The following FAM47C variants were observed in gnomAD, a reference collection of about 807,000 sequenced individuals.
FAM47C encodes putative protein FAM47C.
For missense variants in FAM47C, 847 were observed against 879.9 expected (o/e 0.96, Z 0.47); for synonymous variants, 307 against 346.5 (o/e 0.89, Z 1.27).
At position 37,010,235 on chromosome X, in the gene FAM47C, G is replaced by A. The variant is rs1437035171; in HGVS notation, c.1825G>A (p.Glu609Lys). Residue 609 changes from glutamate (E) to lysine (K), a missense_variant, in exon 1 of 1, where the codon GAG becomes AAG. Transcript: ENST00000358047. ...PETGVSHLCP[E>K]PPETRVSHLR... Reference sequence around the variant, plus strand: ...GACTGGAGTGTCCCATCTCTGCCCGGAGCCTCCAGAGACTCGCGTATCTCA... The same window carrying A: ...GACTGGAGTGTCCCATCTCTGCCCGAAGCCTCCAGAGACTCGCGTATCTCA... 10 of 1,172,155 alleles carry A rather than the reference G, an allele frequency of 8.5e-6. No homozygotes were observed. Among genetic ancestry groups the A allele is most frequent in the Non-Finnish European group, 9.1e-6 (8 of 881,214 alleles).
chrX:37,011,270 G>A lies in FAM47C; in HGVS notation c.2860G>A (p.Asp954Asn). The A allele has an allele frequency of 8.3e-7, 1 of 1,210,448 alleles. No homozygotes were observed. Among genetic ancestry groups the A allele is most frequent in the Non-Finnish European group, 1.1e-6 (1 of 894,934 alleles). Residue 954 changes from aspartate (D) to asparagine (N), a missense_variant, in exon 1 of 1, where the codon GAT becomes AAT. Physicochemically the swap from Asp to Asn is conservative, Grantham distance 23. Coordinates refer to ENST00000358047, the MANE Select transcript of FAM47C (RefSeq NM_001013736.3). Reference sequence around the variant, plus strand: ...TAAGTTGGGGAAAAAGCTAAGAAGTGATGAACCTTTGATTGACCCCAAGCT... The same window carrying A: ...TAAGTTGGGGAAAAAGCTAAGAAGTAATGAACCTTTGATTGACCCCAAGCT... ...KPKLGKKLRS[D>N]EPLIDPKLVL...
In FAM47C at chrX:37,009,209, G is replaced by T. The variant is rs1556331901; in HGVS notation, c.799G>T (p.Val267Leu). The stretch of plus-strand genomic sequence containing the variant: ...CCACCTGGAGCCTCCCGAGACTGGA[G>T]TGTCCCATCTCTACCTGGAGCCTCC... ...SLHLEPPETGVSHLYLEPPGT... is the reference protein window; with the variant it reads ...SLHLEPPETGLSHLYLEPPGT... The change falls in exon 1 of 1, where the codon GTG (valine) becomes TTG (leucine). Residue 267 changes from valine (V) to leucine (L), a missense_variant. By Grantham distance (32) the Val-to-Leu change is conservative. Coordinates refer to ENST00000358047, the MANE Select transcript of FAM47C (RefSeq NM_001013736.3). The T allele has an allele frequency of 8.3e-7, 1 of 1,210,721 alleles. No homozygotes were observed. The highest frequency in any genetic ancestry group is 1.7e-5 in the African/African-American group (1 of 57,462).
At position 37,011,156 on chromosome X, in the gene FAM47C, A is replaced by G; in HGVS notation, c.2746A>G (p.Lys916Glu). The G allele has an allele frequency of 1.7e-6, 2 of 1,210,944 alleles. No individual in the cohort carries two copies. Among genetic ancestry groups the G allele is most frequent in the Non-Finnish European group, 2.2e-6 (2 of 895,083 alleles). Residue 916 changes from lysine to glutamate, a missense_variant, in exon 1 of 1, where the codon AAA (lysine) becomes GAA (glutamate). Transcript: ENST00000358047. ...MDEVKFFSQE[K>E]DLDGKIQNAP... is the part of the protein sequence containing the mutation. ...TGAGGTCAAATTCTTCTCACAGGAAAAAGACTTGGACGGGAAAATCCAGAA... is the reference window on the plus strand; with the variant it reads ...TGAGGTCAAATTCTTCTCACAGGAAGAAGACTTGGACGGGAAAATCCAGAA...
chrX:37,010,132 T>C lies in FAM47C; in HGVS notation c.1722T>C (p.Pro574=), dbSNP rs1225513733. 2 of 1,183,453 alleles carry C rather than the reference T, an allele frequency of 1.7e-6. No homozygotes were observed. Among genetic ancestry groups the C allele is most frequent in the African/African-American group, 2.1e-5 (1 of 48,249 alleles). ...GGATGTACAGTCTCCGCCCGGAGCC[T>C]CCCGATACTGGAGTGTCCCATCTCT... ...KTRMYSLRPE[P]PDTGVSHLCP... Residue 574 remains proline (P), a synonymous_variant, in exon 1 of 1, where the codon CCT becomes CCC. Transcript: ENST00000358047.
rs61730910 is a variant in FAM47C at position 37,010,689 on chromosome X, C to G, written c.2279C>G (p.Ser760Cys). ...CCAGAGCCTCTTGAGACTCGCGTAT[C>G]TCATCTCCGCCCGGAGCCTCCTGAG... is the stretch of plus-strand genomic sequence containing the variant. ...LRPEPLETRV[S>C]HLRPEPPETG... Residue 760 changes from serine (S) to cysteine (C), a missense_variant, in exon 1 of 1, where the codon TCT becomes TGT. Coordinates refer to ENST00000358047, the MANE Select transcript of FAM47C (RefSeq NM_001013736.3). 1,093 of 1,203,708 alleles carry G rather than the reference C, an allele frequency of 9.1e-4. 6 individuals are homozygous for G. The African/African-American group carries it at 0.018, about 19-fold the overall frequency.
Position 37,008,587 on chromosome X carries a change from C to T in FAM47C, c.177C>T (p.Arg59=), listed in dbSNP as rs1556331347. 1.6e-6 allele frequency: 2 copies of T among 1,212,628 alleles called. No individual in the cohort carries two copies. The highest frequency in any genetic ancestry group is 2.2e-6 in the Non-Finnish European group (2 of 895,675). Residue 59 remains arginine (R), a synonymous_variant, in exon 1 of 1, where the codon CGC becomes CGT. Coordinates refer to ENST00000358047, the MANE Select transcript of FAM47C (RefSeq NM_001013736.3). The part of the protein sequence containing the change: ...VFVTEGMDDF[R]YGCQSPEDTL... ...TGACGGAGGGCATGGACGACTTCCG[C>T]TACGGCTGTCAGTCTCCTGAAGATA...
chrX:37,009,385 T>C lies in FAM47C; in HGVS notation c.975T>C (p.Thr325=). 1 of 1,208,085 alleles carries C rather than the reference T, an allele frequency of 8.3e-7. No individual in the cohort carries two copies. Among genetic ancestry groups the C allele is most frequent in the Non-Finnish European group, 1.1e-6 (1 of 894,388 alleles). ...VSHLRPEPSE[T]GVSHLHPEPP... ...ATCTCCGCCCAGAGCCTTCTGAGAC[T>C]GGAGTGTCCCATCTCCACCCAGAGC... The change falls in exon 1 of 1, where the codon ACT becomes ACC. Residue 325 remains threonine (T), a synonymous_variant. Transcript: ENST00000358047.
chrX:37,011,511 A>G lies in FAM47C; in HGVS notation c.3101A>G (p.Glu1034Gly). Residue 1034 changes from glutamate (E) to glycine (G), a missense_variant, in exon 1 of 1, where the codon GAA (glutamate) becomes GGA (glycine). Glu to Gly is a moderately conservative substitution (Grantham distance 98). Transcript: ENST00000358047. ...YKEDVTDASEED is the reference protein window; with the variant it reads ...YKEDVTDASEGD ...GAAGACGTCACAGATGCATCGGAAG[A>G]AGATTAGATGGTTTTGAATTTACTA... is the stretch of plus-strand genomic sequence containing the variant. 1 of 1,178,986 alleles carries G rather than the reference A, an allele frequency of 8.5e-7. No individual in the cohort carries two copies. The highest frequency in any genetic ancestry group is 1.1e-6 in the Non-Finnish European group (1 of 878,325).
Position 37,009,221 on chromosome X carries a change from T to C in FAM47C, c.811T>C (p.Tyr271His), listed in dbSNP as rs781785591. 1 of 1,207,594 alleles carries C rather than the reference T, an allele frequency of 8.3e-7. No homozygotes were observed. The highest frequency in any genetic ancestry group is 1.1e-6 in the Non-Finnish European group (1 of 894,215). ...EPPETGVSHLYLEPPGTGVSH... is the reference protein window; with the variant it reads ...EPPETGVSHLHLEPPGTGVSH... ...TCCCGAGACTGGAGTGTCCCATCTC[T>C]ACCTGGAGCCTCCTGGGACTGGAGT... is the stretch of plus-strand genomic sequence containing the variant. Residue 271 changes from tyrosine to histidine, a missense_variant, in exon 1 of 1, where the codon TAC becomes CAC. By Grantham distance (83) the Tyr-to-His change is moderately conservative. Coordinates refer to ENST00000358047, the MANE Select transcript of FAM47C (RefSeq NM_001013736.3).
chrX:37,011,084 G>C lies in FAM47C; in HGVS notation c.2674G>C (p.Glu892Gln). Residue 892 changes from glutamate (E) to glutamine (Q), a missense_variant, in exon 1 of 1, where the codon GAG becomes CAG. Glu to Gln is a conservative substitution (Grantham distance 29). Coordinates refer to ENST00000358047, the MANE Select transcript of FAM47C (RefSeq NM_001013736.3). Reference protein sequence around the residue: ...YQDQKNKKANECSSGLKYSME... With the variant: ...YQDQKNKKANQCSSGLKYSME... ...AGACCAAAAGAATAAGAAGGCAAAC[G>C]AGTGTTCCTCAGGGCTGAAGTACAG... 1 of 1,212,035 alleles carries C rather than the reference G, an allele frequency of 8.3e-7. No homozygotes were observed. The highest frequency in any genetic ancestry group is 1.1e-6 in the Non-Finnish European group (1 of 895,636).
chrX:37,011,589 G>T lies in FAM47C; in HGVS notation c.*71G>T. 1.0e-6 allele frequency: 1 copy of T among 964,932 alleles called. No individual in the cohort carries two copies. Among genetic ancestry groups the T allele is most frequent in the Non-Finnish European group, 1.4e-6 (1 of 706,784 alleles). The allele number at this position is 964,932 out of a possible 1,213,427, so 79.5% of individuals were successfully genotyped here. A position where few individuals can be genotyped will look rare whatever the true frequency, so the allele number is the denominator to read the frequency against. On this transcript the variant is annotated 3_prime_UTR_variant, in exon 1 of 1. Transcript: ENST00000358047. ...TTAAACATCAGTCAGAATTTATGATGACTGGCCCCAGGAATGTACAACGTT... is the reference window on the plus strand; with the variant it reads ...TTAAACATCAGTCAGAATTTATGATTACTGGCCCCAGGAATGTACAACGTT...
Position 37,008,837 on chromosome X carries a change from C to A in FAM47C, c.427C>A (p.Pro143Thr). The stretch of plus-strand genomic sequence containing the variant: ...CCCCAATCTGGGAGAAGATATGCCT[C>A]CAGATCTCCTACTACAGGTACTGAA... ...MYPNLGEDMP[P>T]DLLLQVLKPL... The change falls in exon 1 of 1, where the codon CCA (proline) becomes ACA (threonine). Residue 143 changes from proline to threonine, a missense_variant. Coordinates refer to ENST00000358047, the MANE Select transcript of FAM47C (RefSeq NM_001013736.3). 1 of 1,212,004 alleles carries A rather than the reference C, an allele frequency of 8.3e-7. No homozygotes were observed. Among genetic ancestry groups the A allele is most frequent in the Non-Finnish European group, 1.1e-6 (1 of 895,542 alleles).
Position 37,011,152 on chromosome X carries a change from G to A in FAM47C, c.2742G>A (p.Gln914=). The A allele has an allele frequency of 8.3e-7, 1 of 1,210,789 alleles. No homozygotes were observed. Among genetic ancestry groups the A allele is most frequent in the African/African-American group, 1.7e-5 (1 of 57,756 alleles). Residue 914 remains glutamine, a synonymous_variant, in exon 1 of 1, where the codon CAG becomes CAA. Coordinates refer to ENST00000358047, the MANE Select transcript of FAM47C (RefSeq NM_001013736.3). ...TGGATGAGGTCAAATTCTTCTCACA[G>A]GAAAAAGACTTGGACGGGAAAATCC... ...DEMDEVKFFS[Q]EKDLDGKIQN...
chrX:37,010,833 G>C lies in FAM47C; in HGVS notation c.2423G>C (p.Arg808Pro), dbSNP rs782138562. The change falls in exon 1 of 1, where the codon CGG (arginine) becomes CCG (proline). Residue 808 changes from arginine (R) to proline (P), a missense_variant. By Grantham distance (103) the Arg-to-Pro change is moderately radical (BLOSUM62 -2). Coordinates refer to ENST00000358047, the MANE Select transcript of FAM47C (RefSeq NM_001013736.3). ...CGCCTGGAGCCTCCCAAGACTGGTCGGGTGTCCAGTCTCTGCCCGGAGCCT... is the reference window on the plus strand; with the variant it reads ...CGCCTGGAGCCTCCCAAGACTGGTCCGGTGTCCAGTCTCTGCCCGGAGCCT... Reference protein sequence around the residue: ...SLRLEPPKTGRVSSLCPEPTK... With the variant: ...SLRLEPPKTGPVSSLCPEPTK... 9.9e-6 allele frequency: 12 copies of C among 1,209,729 alleles called. No individual in the cohort carries two copies. The East Asian group carries it at 3.3e-4, about 33-fold the overall frequency.
rs782418447 is a variant in FAM47C at position 37,008,679 on chromosome X, C to G, written c.269C>G (p.Pro90Arg). 48 of 1,210,509 alleles carry G rather than the reference C, an allele frequency of 4.0e-5. No individual in the cohort carries two copies. The highest frequency in any genetic ancestry group is 8.9e-5 in the East Asian group (3 of 33,747). ...TCTCTCAGAGGTCCCCAAGCTGACC[C>G]CAAAAGCAGGAAGAAAAAGCTGCTC... Reference protein sequence around the residue: ...KISLRGPQADPKSRKKKLLKK... With the variant: ...KISLRGPQADRKSRKKKLLKK... The change falls in exon 1 of 1, where the codon CCC (proline) becomes CGC (arginine). Residue 90 changes from proline (P) to arginine (R), a missense_variant. Physicochemically the swap from Pro to Arg is moderately radical, Grantham distance 103 (BLOSUM62 -2). Transcript: ENST00000358047.
Position 37,011,130 on chromosome X carries a change from A to G in FAM47C, c.2720A>G (p.Asp907Gly). 8.3e-7 allele frequency: 1 copy of G among 1,211,423 alleles called. No homozygotes were observed. The highest frequency in any genetic ancestry group is 1.1e-6 in the Non-Finnish European group (1 of 895,343). ...TACAGCATGGAGCTAGACGAAATGG[A>G]TGAGGTCAAATTCTTCTCACAGGAA... Reference protein sequence around the residue: ...LKYSMELDEMDEVKFFSQEKD... With the variant: ...LKYSMELDEMGEVKFFSQEKD... The change falls in exon 1 of 1, where the codon GAT (aspartate) becomes GGT (glycine). Residue 907 changes from aspartate (D) to glycine (G), a missense_variant. Coordinates refer to ENST00000358047, the MANE Select transcript of FAM47C (RefSeq NM_001013736.3).
chrX:37,009,292 C>A lies in FAM47C; in HGVS notation c.882C>A (p.Leu294=), dbSNP rs1556331974. Reference sequence around the variant, plus strand: ...CTCCCAAGACTCGCGTATCTCATCTCCATCGGGAGCCTCCTGAGACTGGAG... The same window carrying A: ...CTCCCAAGACTCGCGTATCTCATCTACATCGGGAGCCTCCTGAGACTGGAG... The part of the protein sequence containing the change: ...PEPPKTRVSH[L]HREPPETGVP... Residue 294 remains leucine (L), a synonymous_variant, in exon 1 of 1, where the codon CTC becomes CTA. Transcript: ENST00000358047. 8.3e-7 allele frequency: 1 copy of A among 1,209,751 alleles called. No homozygotes were observed. Among genetic ancestry groups the A allele is most frequent in the Non-Finnish European group, 1.1e-6 (1 of 894,840 alleles).
In FAM47C at chrX:37,010,203, C is replaced by A. The variant is rs782174034; in HGVS notation, c.1793C>A (p.Pro598His). Residue 598 changes from proline (P) to histidine (H), a missense_variant, in exon 1 of 1, where the codon CCC becomes CAC. Pro to His is a moderately conservative substitution (Grantham distance 77). Transcript: ENST00000358047. ...CGGGTGTCCAGTCTCCCCCCGGAGC[C>A]CCCCGAGACTGGAGTGTCCCATCTC... is the stretch of plus-strand genomic sequence containing the variant. Reference protein sequence around the residue: ...KTRVSSLPPEPPETGVSHLCP... With the variant: ...KTRVSSLPPEHPETGVSHLCP... 27 of 1,171,161 alleles carry A rather than the reference C, an allele frequency of 2.3e-5. No homozygotes were observed. Among genetic ancestry groups the A allele is most frequent in the Non-Finnish European group, 3.0e-5 (26 of 878,949 alleles).
At position 37,009,187 on chromosome X, in the gene FAM47C, C is replaced by T. The variant is rs782314681; in HGVS notation, c.777C>T (p.His259=). 1.2e-5 allele frequency: 15 copies of T among 1,207,956 alleles called. No individual in the cohort carries two copies. The Admixed American group carries it at 2.8e-4, about 23-fold the overall frequency. Residue 259 remains histidine, a synonymous_variant, in exon 1 of 1, where the codon CAC becomes CAT. Coordinates refer to ENST00000358047, the MANE Select transcript of FAM47C (RefSeq NM_001013736.3). ...EPPKTQVSSL[H]LEPPETGVSH... is the part of the protein sequence containing the mutation. ...CCAAGACTCAGGTGTCCAGTCTCCA[C>T]CTGGAGCCTCCCGAGACTGGAGTGT...
Sources: gnomAD v4.1 joint callset for allele counts on GRCh38, gnomAD v4.1.1 for gene constraint, MANE v1.5 for transcripts, NCBI Gene and HGNC (gene_info 2026-07-23, HGNC 2026-07-21) for gene names.